Variants in SPHKAP observed in about 807,000 individuals in gnomAD.
The protein encoded by SPHKAP is A-kinase anchor protein SPHKAP.
A neutral mutation model predicts 137.5 loss-of-function variants in SPHKAP; 67 were observed. The observed-to-expected ratio is 0.49, with a 90% CI of 0.40 to 0.60. The LOEUF is 0.60. Ranked by LOEUF, SPHKAP falls within the 20% of genes least tolerant of loss-of-function variation. The pLI is 0.00. For missense variants in SPHKAP, 2,097 were observed against 2,069.3 expected, an observed-to-expected ratio of 1.01 and a Z score of -0.26; for synonymous variants, 813 against 785.3, an observed-to-expected ratio of 1.04 and a Z score of -0.59.
At chr2:228,058,801 A>G (rs1696537025) in intron 3 of SPHKAP, among the ~76,000 whole-genome samples, 1 of 152,172 alleles carries the variant, frequency 6.6e-6, no homozygotes, top group Non-Finnish European at 1.5e-5. Flanking sequence ...GTTTTGTTCC[A>G]TTTTGAATTT....
Position 228,080,563 on chromosome 2 carries a change from T to C in SPHKAP, c.246+28269A>G, listed in dbSNP as rs564070729. ...TCTACTAAAAGTACAAAAAATTAGC[T>C]GGGCATGTTGGTGGGCACTTGTAAT... On this transcript the variant is annotated intron_variant, in intron 3 of 11. Coordinates refer to ENST00000392056, the MANE Select transcript of SPHKAP (RefSeq NM_001142644.2). Among the ~76,000 whole-genome samples the C allele has an allele frequency of 1.7e-4, 26 of 152,064 alleles. 1 individual carries two copies. The East Asian group carries it at 4.8e-3, about 28-fold the overall frequency.
At chr2:228,076,796 C>T (rs1697196804) in intron 3 of SPHKAP, among the ~76,000 whole-genome samples, 1 of 152,294 alleles carries the variant, frequency 6.6e-6, no homozygotes, top group Non-Finnish European at 1.5e-5. Context: ...CAGCTGGCTG[C>T]AGAAATTTGC....
Position 227,991,199 on chromosome 2 carries a change from A to G in SPHKAP, c.4775-15T>C. On this transcript the variant is annotated splice_polypyrimidine_tract_variant and intron_variant, in intron 10 of 11. Transcript: ENST00000392056. ...AGATGCAGGTGCTGAGAACAGACAC[A>G]ACCACAGCCTTATCCTTCTTTCCAA... 1 of 1,614,146 alleles carries G rather than the reference A, an allele frequency of 6.2e-7. No individual in the cohort carries two copies. Among genetic ancestry groups the G allele is most frequent in the South Asian group, 1.1e-5 (1 of 91,078 alleles).
chr2:228,004,203 G>A (rs1218554996), intron 7 of SPHKAP, among the ~76,000 whole-genome samples: 1 of 151,980 alleles, frequency 6.6e-6, no homozygotes, highest in Non-Finnish European at 1.5e-5. Context: ...GGCTTTTTTT[G>A]GTTGGTAGGC....
At chr2:227,991,810 G>T in intron 9 of SPHKAP, 1 of 547,200 alleles carries the variant, frequency 1.8e-6, no homozygotes, top group Non-Finnish European at 2.3e-6. Flanking sequence ...AATTTTACAT[G>T]TATATGGTTA....
intron 3 of SPHKAP, among the ~76,000 whole-genome samples, chr2:228,070,532 A>G (rs537346060): frequency 7.2e-5 from 11 of 152,312 alleles, no homozygotes; most frequent in African/African-American, 2.6e-4. Context: ...AGAGGGGTCC[A>G]TGTCATAAAA....
chr2:227,985,803 T>C (rs1291228898), intron 11 of SPHKAP, among the ~76,000 whole-genome samples: 2 of 152,216 alleles, frequency 1.3e-5, no homozygotes, highest in East Asian at 3.8e-4. Context: ...ATGAAATCTA[T>C]GGGAGTTGTT....
At chr2:228,078,732 G>A (rs546490426) in intron 3 of SPHKAP, among the ~76,000 whole-genome samples, 1 of 152,282 alleles carries the variant, frequency 6.6e-6, no homozygotes, top group East Asian at 1.9e-4. Flanking sequence ...GAACTGTGTA[G>A]GAAGGACAGT....
intron 1 of SPHKAP, among the ~76,000 whole-genome samples, chr2:228,160,999 A>G (rs1244437228): frequency 6.6e-6 from 1 of 152,224 alleles, no homozygotes; most frequent in Non-Finnish European, 1.5e-5. Flanking sequence ...CAAAACTTAG[A>G]TGAATCTTCC....
rs994052583 is a variant in SPHKAP at position 227,981,723 on chromosome 2, C to A, written c.5097G>T (p.Leu1699=). 2 of 1,612,704 alleles carry A rather than the reference C, an allele frequency of 1.2e-6. No homozygotes were observed. The highest frequency in any genetic ancestry group is 2.7e-5 in the African/African-American group (2 of 74,954). ...RLSLFDWLLE[L]G Reference sequence around the variant, plus strand: ...TATACGGCAGACTGCCTTATTATCCCAGTTCCAAGAGCCAGTCAAAGAGAC... The same window carrying A: ...TATACGGCAGACTGCCTTATTATCCAAGTTCCAAGAGCCAGTCAAAGAGAC... The change falls in exon 12 of 12, where the codon CTG becomes CTT. Residue 1699 remains leucine (L), a synonymous_variant. Coordinates refer to ENST00000392056, the MANE Select transcript of SPHKAP (RefSeq NM_001142644.2).
At chr2:228,009,029 T>C (rs1027619292) in intron 7 of SPHKAP, among the ~76,000 whole-genome samples, 19 of 152,188 alleles carry the variant, frequency 1.2e-4, no homozygotes, top group African/African-American at 3.9e-4. Context: ...GGGATTTTGA[T>C]TGGGATTGTA....
chr2:227,988,198 T>C (rs902104113), intron 11 of SPHKAP, among the ~76,000 whole-genome samples: 1 of 152,156 alleles, frequency 6.6e-6, no homozygotes, highest in Non-Finnish European at 1.5e-5. Context: ...TTTAACCAGT[T>C]CAGTCACAGA....
intron 2 of SPHKAP, among the ~76,000 whole-genome samples, chr2:228,127,913 A>G (rs1259414539): frequency 2.0e-5 from 3 of 152,208 alleles, no homozygotes; most frequent in Non-Finnish European, 2.9e-5. Flanking sequence ...ATAACCAAAA[A>G]AGTATGTAGA....
chr2:228,113,702 C>G (rs1025082224), intron 2 of SPHKAP, among the ~76,000 whole-genome samples: 1 of 147,816 alleles, frequency 6.8e-6, no homozygotes, highest in South Asian at 2.1e-4. Context: ...TCCTTGTTAA[C>G]TGTGTAGTTA....
chr2:228,075,421 C>T (rs557726667), intron 3 of SPHKAP, among the ~76,000 whole-genome samples: 59 of 149,388 alleles, frequency 3.9e-4, no homozygotes, highest in Middle Eastern at 3.4e-3. Context: ...AGGCTTGCTT[C>T]TTTTTTTTTT....
Position 228,009,456 on chromosome 2 carries a change from G to A in SPHKAP, c.4448+6950C>T, listed in dbSNP as rs1276215950. On this transcript the variant is annotated intron_variant, in intron 7 of 11. Transcript: ENST00000392056. ...TTTAAATCTTTTGGCATATTTATAA[G>A]AGATATTTAATTTCTTTATCATGTT... Among the ~76,000 whole-genome samples, 3 of 152,122 alleles carry A rather than the reference G, an allele frequency of 2.0e-5. No individual in the cohort carries two copies. In the East Asian group the frequency reaches 5.8e-4, roughly 29 times the overall value.
At chr2:228,160,051 C>T (rs1700229332) in intron 1 of SPHKAP, among the ~76,000 whole-genome samples, 1 of 152,156 alleles carries the variant, frequency 6.6e-6, no homozygotes, top group Non-Finnish European at 1.5e-5. Context: ...ACCTCCATCA[C>T]TTTGAAGAAG....
rs533054194 is a variant in SPHKAP, at chr2:228,018,283, G to A, written c.2571C>T (p.Ser857=). 130 of 1,614,136 alleles carry A rather than the reference G, an allele frequency of 8.1e-5. 1 individual carries two copies. Among genetic ancestry groups the A allele is most frequent in the South Asian group, 5.9e-4 (54 of 91,080 alleles). ...TGACCGTTGGGGACCTTTGTCCTTC[G>A]GAAGAGGCTCTGCATTCATTCTCAC... is the stretch of plus-strand genomic sequence containing the variant. ...HHSENECRAS[S]EGQRSPTVSQ... is the part of the protein sequence containing the mutation. Residue 857 remains serine, a synonymous_variant, in exon 7 of 12, where the codon TCC becomes TCT. Coordinates refer to ENST00000392056, the MANE Select transcript of SPHKAP (RefSeq NM_001142644.2).
chr2:228,105,255 A>G (rs1177835548), intron 3 of SPHKAP, among the ~76,000 whole-genome samples: 2 of 152,218 alleles, frequency 1.3e-5, no homozygotes, highest in East Asian at 3.9e-4. Flanking sequence ...GGCGTGAGCC[A>G]CAATGCCTGG....
Sources: gnomAD v4.1 joint callset for allele counts (sites outside exome capture counted in the v4.1 genomes callset) on GRCh38, gnomAD v4.1.1 for gene constraint, MANE v1.5 for transcripts, NCBI Gene and HGNC (gene_info 2026-07-23, HGNC 2026-07-21) for gene names.